Variants in SPON1 observed in about 807,000 individuals in gnomAD.
SPON1 encodes spondin-1.
Under a neutral mutation model 111.7 loss-of-function variants are expected in SPON1, and 52 were observed. The ratio of observed to expected loss-of-function variants is 0.47; its 90% CI spans 0.37 to 0.59. The LOEUF (loss-of-function observed/expected upper bound fraction) is 0.59, where lower values mean the gene tolerates loss of function less well. Ranked by LOEUF, SPON1 falls within the 20% of genes least tolerant of loss-of-function variation. SPON1 has a pLI of 0.00. For missense variants in SPON1, 957 were observed against 1,068.5 expected (o/e 0.90, Z 1.46); for synonymous variants, 410 against 395.8 (o/e 1.04, Z -0.43).
chr11:14,112,109 GAA>G (rs782414747), intron 5 of SPON1, among the ~76,000 whole-genome samples: 7 of 131,670 alleles, frequency 5.3e-5, no homozygotes, highest in Admixed American at 7.8e-5. Context: ...ATTTGCAGGG[GAA>G]AAAAAAAAAA....
At chr11:14,130,894 T>G (rs1266834616) in intron 5 of SPON1, among the ~76,000 whole-genome samples, 10 of 151,916 alleles carry the variant, frequency 6.6e-5, no homozygotes, top group African/African-American at 2.4e-4. Context: ...CTTTTCTCAC[T>G]CATATCTCAT....
At chr11:14,174,232 C>T (rs1564923575) in intron 6 of SPON1, among the ~76,000 whole-genome samples, 1 of 152,182 alleles carries the variant, frequency 6.6e-6, no homozygotes, top group East Asian at 1.9e-4. Context: ...GCCAATCAGC[C>T]CATTTTGTAA....
At chr11:14,225,571 G>A (rs1591417876) in intron 6 of SPON1, among the ~76,000 whole-genome samples, 1 of 152,310 alleles carries the variant, frequency 6.6e-6, no homozygotes, top group East Asian at 1.9e-4. Flanking sequence ...GACGTGAATA[G>A]TCTTGAGTTT....
At position 14,191,013 on chromosome 11, in the gene SPON1, T is replaced by A. The variant is rs1288875255; in HGVS notation, c.826-52319T>A. On this transcript the variant is annotated intron_variant, in intron 6 of 15. Transcript: ENST00000576479. Reference sequence around the variant, plus strand: ...GCACTTACAATCCCATCACTTGGTATATAAAGAATAAAAAAGAGCATTGTT... The same window carrying A: ...GCACTTACAATCCCATCACTTGGTAAATAAAGAATAAAAAAGAGCATTGTT... Among the ~76,000 whole-genome samples the A allele has an allele frequency of 2.0e-3, 306 of 152,062 alleles. 2 individuals carry two copies. The highest frequency in any genetic ancestry group is 6.7e-3 in the African/African-American group (279 of 41,362).
Position 14,041,634 on chromosome 11 carries a change from A to G in SPON1, c.459A>G (p.Gly153=). 1 of 1,613,910 alleles carries G rather than the reference A, an allele frequency of 6.2e-7. No homozygotes were observed. Among genetic ancestry groups the G allele is most frequent in the East Asian group, 2.2e-5 (1 of 44,882 alleles). Residue 153 remains glycine, a synonymous_variant, in exon 3 of 16, where the codon GGA becomes GGG. Transcript: ENST00000576479. The stretch of plus-strand genomic sequence containing the variant: ...TGTTTTGGATAGCACCACCAGCGGG[A>G]ACAGGCTGCGTGATTCTGAAGTAAG... ...IQVFWIAPPA[G]TGCVILKASI...
chr11:14,212,578 A>G (rs1848587814), intron 6 of SPON1, among the ~76,000 whole-genome samples: 2 of 152,284 alleles, frequency 1.3e-5, no homozygotes, highest in South Asian at 4.2e-4. Flanking sequence ...CTTGACTTCT[A>G]TCATCATTTC....
chr11:14,192,404 T>C (rs184144854), intron 6 of SPON1, among the ~76,000 whole-genome samples: 51 of 152,318 alleles, frequency 3.3e-4, no homozygotes, highest in Middle Eastern at 3.4e-3. Flanking sequence ...GAATAAGTCA[T>C]TTGTAGCTTT....
At chr11:13,990,373 CTTTTTTTTTTTTTTTTTT>C (rs1159719282) in intron 2 of SPON1, among the ~76,000 whole-genome samples, 61 of 21,716 alleles carry the variant, frequency 2.8e-3, no homozygotes, top group African/African-American at 2.4e-3. Context: ...GCAACTCCTG[CTTTTTTTTTTTTTTTTTT>C]TTTTTTTTTT....
chr11:14,221,111 GTTCA>G (rs2133906702), intron 6 of SPON1, among the ~76,000 whole-genome samples: 1 of 152,188 alleles, frequency 6.6e-6, no homozygotes, highest in South Asian at 2.1e-4. Context: ...TCACTTACTC[GTTCA>G]TTCATTCAAC....
intron 2 of SPON1, among the ~76,000 whole-genome samples, chr11:14,023,901 C>G (rs2133804968): frequency 6.6e-6 from 1 of 151,822 alleles, no homozygotes; most frequent in South Asian, 2.1e-4. Context: ...ACTTGGGAGG[C>G]TGAGGCAGGA....
chr11:14,171,079 C>T (rs1156734736), intron 6 of SPON1, among the ~76,000 whole-genome samples: 2 of 152,152 alleles, frequency 1.3e-5, no homozygotes, highest in African/African-American at 4.8e-5. Flanking sequence ...GTACCAGCTC[C>T]TCCTTGTACC....
chr11:14,090,669 C>G (rs1242237197), intron 5 of SPON1, among the ~76,000 whole-genome samples: 1 of 151,954 alleles, frequency 6.6e-6, no homozygotes, highest in African/African-American at 2.4e-5. Context: ...CAGATCTTCA[C>G]GGTGAGTGTT....
Position 14,265,771 on chromosome 11 carries a change from A to G in SPON1, c.*84A>G. 1.4e-6 allele frequency: 2 copies of G among 1,456,140 alleles called. No homozygotes were observed. Among genetic ancestry groups the G allele is most frequent in the Non-Finnish European group, 1.9e-6 (2 of 1,072,960 alleles). The allele number at this position is 1,456,140 out of a possible 1,614,324, so 90.2% of individuals were successfully genotyped here. A position where few individuals can be genotyped will look rare whatever the true frequency, so the allele number is the denominator to read the frequency against. On this transcript the variant is annotated 3_prime_UTR_variant, in exon 16 of 16. Transcript: ENST00000576479. Reference sequence around the variant, plus strand: ...TATTTGCTTGTTTAAGACAATTTAAATTGTGTACGCTAGTTTTCATTTTTG... The same window carrying G: ...TATTTGCTTGTTTAAGACAATTTAAGTTGTGTACGCTAGTTTTCATTTTTG...
chr11:14,045,461 C>T (rs1469119325), intron 3 of SPON1, among the ~76,000 whole-genome samples: 1 of 151,808 alleles, frequency 6.6e-6, no homozygotes, highest in Non-Finnish European at 1.5e-5. Flanking sequence ...GCCTGTAATC[C>T]CAGCTACTCA....
At chr11:14,184,824 C>G (rs570154945) in intron 6 of SPON1, among the ~76,000 whole-genome samples, 10 of 152,198 alleles carry the variant, frequency 6.6e-5, no homozygotes, top group Non-Finnish European at 1.0e-4. Flanking sequence ...GCCCCTCCAG[C>G]CTTTGGGATC....
At position 14,228,620 on chromosome 11, in the gene SPON1, T is replaced by TC. The variant is rs200011831; in HGVS notation, c.826-14712_826-14711insC. ...ATGAGGGTCACCCTGGAAGGAAGTT[T>TC]GACCTCACATTAGGCTGTGTTATCT... On this transcript the variant is annotated intron_variant, in intron 6 of 15. Transcript: ENST00000576479. The surrounding 1 kb of genome is among the most constrained non-coding windows in gnomAD (Gnocchi z 4.2). Among the ~76,000 whole-genome samples the TC allele has an allele frequency of 0.013, 1,908 of 152,338 alleles. 20 individuals are homozygous for TC. The highest frequency in any genetic ancestry group is 0.022 in the Non-Finnish European group (1,469 of 68,026).
chr11:14,072,012 T>C (rs1554920972), intron 3 of SPON1, among the ~76,000 whole-genome samples: 1 of 152,160 alleles, frequency 6.6e-6, no homozygotes, highest in East Asian at 1.9e-4. Flanking sequence ...TAATCGAACA[T>C]TTTACTGCAG....
At chr11:14,239,450 G>C (rs1554939486) in intron 6 of SPON1, among the ~76,000 whole-genome samples, 1 of 152,154 alleles carries the variant, frequency 6.6e-6, no homozygotes, top group African/African-American at 2.4e-5. Context: ...GTTTGGCAGG[G>C]CACGGTGGCT....
At chr11:14,054,693 G>T (rs185694899) in intron 3 of SPON1, among the ~76,000 whole-genome samples, 1 of 152,148 alleles carries the variant, frequency 6.6e-6, no homozygotes. Context: ...AAGGAATGGG[G>T]AATGATGGGG....
Sources: gnomAD v4.1 joint callset for allele counts (sites outside exome capture counted in the v4.1 genomes callset) on GRCh38, gnomAD v4.1.1 for gene constraint, Gnocchi (gnomAD v3.1) non-coding constraint, MANE v1.5 for transcripts, NCBI Gene and HGNC (gene_info 2026-07-23, HGNC 2026-07-21) for gene names.